The following MAN1A1 variants were observed in gnomAD, a reference collection of about 807,000 sequenced individuals.
MAN1A1 encodes mannosidase alpha class 1A member 1.
Under a neutral mutation model 70.8 loss-of-function variants are expected in MAN1A1, and 29 were observed. The observed-to-expected ratio is 0.41, with a 90% CI of 0.31 to 0.56. The LOEUF (loss-of-function observed/expected upper bound fraction) is 0.56. Ranked by LOEUF, MAN1A1 falls within the 20% of genes least tolerant of loss-of-function variation. The pLI, the probability that MAN1A1 is intolerant of heterozygous loss-of-function variation, is 0.29. For missense variants in MAN1A1, 747 were observed against 841.3 expected, an observed-to-expected ratio of 0.89 and a Z score of 1.39; for synonymous variants, 349 against 330.1, an observed-to-expected ratio of 1.06 and a Z score of -0.62.
At chr6:119,297,764 G>C (rs1228826009) in intron 4 of MAN1A1, among the ~76,000 whole-genome samples, 1 of 122,352 alleles carries the variant, frequency 8.2e-6, no homozygotes, top group Non-Finnish European at 1.7e-5. Flanking sequence ...TTTTGAGATG[G>C]AGTCTCGCTC....
rs781148712 is a variant in MAN1A1 at position 119,232,677 on chromosome 6, ATATGTG to A, written c.992+15577_992+15582del. ...AATGAGATTTCATATATACACATAT[ATATGTG>A]TGTGTGTGTGTGTGTGTGTGTGTGT... On this transcript the variant is annotated intron_variant, in intron 6 of 12. Transcript: ENST00000368468. Among the ~76,000 whole-genome samples the A allele has an allele frequency of 6.9e-3, 833 of 120,324 alleles. 2 individuals carry two copies. Among genetic ancestry groups the A allele is most frequent in the Non-Finnish European group, 9.6e-3 (529 of 55,342 alleles). 78.9% of individuals were successfully genotyped at this position (120,324 alleles called of 152,430 possible). A position where few individuals can be genotyped will look rare whatever the true frequency, so the allele number is the denominator to read the frequency against.
chr6:119,278,695 G>T (rs1002761073), intron 5 of MAN1A1, among the ~76,000 whole-genome samples: 3 of 152,118 alleles, frequency 2.0e-5, no homozygotes, highest in African/African-American at 7.2e-5. Context: ...CTAGTAGGAG[G>T]TGTTTGGATC....
chr6:119,191,657 C>T (rs1773444984), intron 9 of MAN1A1, among the ~76,000 whole-genome samples: 1 of 152,170 alleles, frequency 6.6e-6, no homozygotes, highest in Non-Finnish European at 1.5e-5. Flanking sequence ...GCCCAGGTAT[C>T]ATTTGCCATT....
chr6:119,320,936 G>A (rs1390055585), intron 2 of MAN1A1, among the ~76,000 whole-genome samples: 1 of 151,902 alleles, frequency 6.6e-6, no homozygotes, highest in Non-Finnish European at 1.5e-5. Flanking sequence ...GTGAAAAGGG[G>A]GTCTTGTTAA....
At chr6:119,285,534 T>G (rs906106807) in intron 5 of MAN1A1, among the ~76,000 whole-genome samples, 1 of 152,178 alleles carries the variant, frequency 6.6e-6, no homozygotes, top group African/African-American at 2.4e-5. Context: ...CTATATTGCA[T>G]AGCTGTTATT....
chr6:119,316,545 A>G (rs1438547618), intron 2 of MAN1A1, among the ~76,000 whole-genome samples: 2 of 152,178 alleles, frequency 1.3e-5, no homozygotes, highest in Non-Finnish European at 2.9e-5. Flanking sequence ...TGCCATAGAA[A>G]ACAAATACTA....
intron 5 of MAN1A1, among the ~76,000 whole-genome samples, chr6:119,276,573 G>A (rs1252593443): frequency 6.6e-6 from 1 of 152,194 alleles, no homozygotes; most frequent in Non-Finnish European, 1.5e-5. Context: ...TAAAGCATTA[G>A]ACGGCAGAAA....
chr6:119,307,866 C>A (rs1241613699), intron 2 of MAN1A1, among the ~76,000 whole-genome samples: 1 of 152,152 alleles, frequency 6.6e-6, no homozygotes, highest in Non-Finnish European at 1.5e-5. Flanking sequence ...AAGCATCACA[C>A]AAAGTTATAG....
intron 5 of MAN1A1, among the ~76,000 whole-genome samples, chr6:119,276,365 T>C (rs1413415285): frequency 6.6e-6 from 1 of 152,234 alleles, no homozygotes; most frequent in Non-Finnish European, 1.5e-5. Context: ...GTCTAATTTG[T>C]TCACTGCTGA....
At chr6:119,345,764 T>C (rs1186581147) in intron 2 of MAN1A1, among the ~76,000 whole-genome samples, 1 of 152,204 alleles carries the variant, frequency 6.6e-6, no homozygotes, top group African/African-American at 2.4e-5. Context: ...TAACTATAAG[T>C]GTTGGTGCAT....
intron 5 of MAN1A1, among the ~76,000 whole-genome samples, chr6:119,275,023 C>G (rs543970097): frequency 6.6e-6 from 1 of 152,034 alleles, no homozygotes; most frequent in Non-Finnish European, 1.5e-5. Context: ...ATAAGCATTA[C>G]GAGTGTGATT....
chr6:119,309,711 T>C (rs973608227), intron 2 of MAN1A1, among the ~76,000 whole-genome samples: 4 of 152,196 alleles, frequency 2.6e-5, no homozygotes, highest in African/African-American at 9.7e-5. Flanking sequence ...TATTTGCTCC[T>C]GGTGAAAGGT....
At chr6:119,250,713 T>C (rs1374902009) in intron 5 of MAN1A1, among the ~76,000 whole-genome samples, 2 of 151,404 alleles carry the variant, frequency 1.3e-5, no homozygotes, top group African/African-American at 4.9e-5. Context: ...TTCCCCGACA[T>C]ACACACTTTT....
chr6:119,348,759 G>T lies in MAN1A1; in HGVS notation c.307C>A (p.Arg103=). 1 of 1,546,288 alleles carries T rather than the reference G, an allele frequency of 6.5e-7. No individual in the cohort carries two copies. Among genetic ancestry groups the T allele is most frequent in the Non-Finnish European group, 8.7e-7 (1 of 1,149,894 alleles). Reference sequence around the variant, plus strand: ...CCGGGTGCCCCCTCCTCGCGGCGCCGGGCTCGCCCCTCGGCCGCGTCCTCG... The same window carrying T: ...CCGGGTGCCCCCTCCTCGCGGCGCCTGGCTCGCCCCTCGGCCGCGTCCTCG... ...RAEDAAEGRA[R]RREEGAPGDP... Residue 103 remains arginine, a synonymous_variant, in exon 2 of 13, where the codon CGG becomes AGG. Transcript: ENST00000368468.
chr6:119,303,717 C>T (rs1004036873), intron 3 of MAN1A1, among the ~76,000 whole-genome samples: 2 of 152,122 alleles, frequency 1.3e-5, no homozygotes, highest in African/African-American at 4.8e-5. Context: ...TAGTCAGCAA[C>T]CCAGCTATTG....
intron 12 of MAN1A1, 115 bp downstream of exon 12, chr6:119,180,197 C>T: frequency 1.3e-6 from 1 of 787,546 alleles, no homozygotes; most frequent in Non-Finnish European, 2.1e-6. Context: ...ATAGCCATGC[C>T]TGATATTCTG....
rs2072890 is a variant in MAN1A1, at chr6:119,189,776, C to T, written c.1434G>A (p.Ala478=). 1.5e-5 allele frequency: 24 copies of T among 1,613,792 alleles called. No individual in the cohort carries two copies. Among genetic ancestry groups the T allele is most frequent in the African/African-American group, 6.7e-5 (5 of 74,810 alleles). Residue 478 remains alanine (A), a synonymous_variant, in exon 10 of 13, where the codon GCG becomes GCA. Coordinates refer to ENST00000368468, the MANE Select transcript of MAN1A1 (RefSeq NM_005907.4). ...EHKMGHLTCF[A]GGMFALGADA... ...CAGCCCCGAGTGCGAACATGCCCCC[C>T]GCGAAGCAGGTCAGGTGGCCCATCT...
intron 2 of MAN1A1, among the ~76,000 whole-genome samples, chr6:119,344,056 CA>C (rs1773665836): frequency 6.6e-6 from 1 of 152,182 alleles, no homozygotes; most frequent in African/African-American, 2.4e-5. Flanking sequence ...GAATTCCAAC[CA>C]ATTCAGATCT....
intron 6 of MAN1A1, among the ~76,000 whole-genome samples, chr6:119,241,351 C>T (rs1320843538): frequency 6.6e-6 from 1 of 152,180 alleles, no homozygotes; most frequent in African/African-American, 2.4e-5. Context: ...ACCTGGCTGC[C>T]TCACTGAACG....
Sources: allele counts gnomAD v4.1 joint callset (sites outside exome capture counted in the v4.1 genomes callset), GRCh38; gene constraint gnomAD v4.1.1; transcripts MANE v1.5; gene names NCBI Gene and HGNC (gene_info 2026-07-23, HGNC 2026-07-21).